The following TMEM74 variants were observed in gnomAD, a reference collection of about 807,000 sequenced individuals.
TMEM74 encodes the protein transmembrane protein 74.
In TMEM74, 13 loss-of-function variants were observed where a neutral mutation model predicts 18.1. The ratio of observed to expected loss-of-function variants is 0.72; its 90% CI spans 0.47 to 1.14. TMEM74 has a LOEUF of 1.14. Ranked by LOEUF, TMEM74 falls within the 50% of genes most tolerant of loss-of-function variation. TMEM74 has a pLI of 0.00. For missense variants in TMEM74, 372 were observed against 375.9 expected (o/e 0.99, Z 0.09); for synonymous variants, 159 against 146.6 (o/e 1.08, Z -0.61).
downstream of TMEM74, among the ~76,000 whole-genome samples, chr8:108,775,726 C>T (rs1814226280): frequency 6.6e-6 from 1 of 152,196 alleles, no homozygotes; most frequent in Non-Finnish European, 1.5e-5. Context: ...TGTTTAGGGT[C>T]AGCCTCTGTC....
At chr8:108,771,866 A>G (rs987263347) in intron 1 of TMEM74, among the ~76,000 whole-genome samples, 1 of 152,174 alleles carries the variant, frequency 6.6e-6, no homozygotes, top group Non-Finnish European at 1.5e-5. Context: ...AAGACTCCAG[A>G]TACATACTGT....
At chr8:108,770,736 T>C (rs1007511018) in intron 1 of TMEM74, among the ~76,000 whole-genome samples, 1 of 152,186 alleles carries the variant, frequency 6.6e-6, no homozygotes, top group Admixed American at 6.6e-5. Flanking sequence ...ATTAACATAT[T>C]ATATTTACAG....
At chr8:108,706,805 G>GTGTGTGTGTGTGTGTA (rs1563531253) in intron 1 of TMEM74, among the ~76,000 whole-genome samples, 1 of 151,704 alleles carries the variant, frequency 6.6e-6, no homozygotes, top group Non-Finnish European at 1.5e-5. Context: ...GTGTGTGTGT[G>GTGTGTGTGTGTGTGTA]TGTGTATGCA....
intron 1 of TMEM74, among the ~76,000 whole-genome samples, chr8:108,751,543 C>T (rs1054937665): frequency 6.6e-6 from 1 of 152,012 alleles, no homozygotes; most frequent in Non-Finnish European, 1.5e-5. Flanking sequence ...ACATTGGTTA[C>T]AAATTTATAT....
At chr8:108,711,534 T>C (rs1813475570) in intron 1 of TMEM74, among the ~76,000 whole-genome samples, 1 of 152,188 alleles carries the variant, frequency 6.6e-6, no homozygotes, top group African/African-American at 2.4e-5. Context: ...AAAGGAGATA[T>C]GAGAAGGCAG....
intron 1 of TMEM74, among the ~76,000 whole-genome samples, chr8:108,758,078 A>G (rs1813998988): frequency 6.6e-6 from 1 of 152,100 alleles, no homozygotes. Flanking sequence ...TCGTTTAATG[A>G]ATTCTATAAG....
At chr8:108,765,351 G>A (rs1814092853) in intron 1 of TMEM74, among the ~76,000 whole-genome samples, 2 of 150,298 alleles carry the variant, frequency 1.3e-5, no homozygotes, top group Admixed American at 1.3e-4. Context: ...ATGGTGATGA[G>A]CTTGGGGACC....
At chr8:108,738,863 A>G (rs961297573) in intron 1 of TMEM74, among the ~76,000 whole-genome samples, 21 of 152,220 alleles carry the variant, frequency 1.4e-4, no homozygotes, top group African/African-American at 3.9e-4. Flanking sequence ...TTTGTTGTAT[A>G]GTCACATAAT....
At chr8:108,739,421 G>A (rs937587639) in intron 1 of TMEM74, among the ~76,000 whole-genome samples, 22 of 152,192 alleles carry the variant, frequency 1.4e-4, no homozygotes, top group Admixed American at 1.4e-3. Flanking sequence ...GTCTCCCTTG[G>A]CTTTACTGTT....
intron 1 of TMEM74, among the ~76,000 whole-genome samples, chr8:108,671,453 A>G (rs914551104): frequency 3.9e-5 from 6 of 152,138 alleles, no homozygotes; most frequent in Admixed American, 3.9e-4. Context: ...ATGGCTAATG[A>G]CCCCTGTGCC....
At chr8:108,659,658 T>C (rs539799295) in intron 1 of TMEM74, among the ~76,000 whole-genome samples, 1 of 152,312 alleles carries the variant, frequency 6.6e-6, no homozygotes, top group Non-Finnish European at 1.5e-5. Context: ...TCTGGCTAAA[T>C]GTCTTTCAGT....
rs117698743 is a variant in TMEM74, at chr8:108,689,313, C to T, written n.120-33876G>A. On this transcript the variant is annotated intron_variant and non_coding_transcript_variant, in intron 1 of 3. Transcript: ENST00000518838. The stretch of plus-strand genomic sequence containing the variant: ...ACAGAGAAAGGGTTAAGGAACCACA[C>T]CTCCAACTTAGAGGCCAAGGTTACT... 9.8e-3 allele frequency among the ~76,000 whole-genome samples: 1,499 copies of T among 152,286 alleles called. 11 individuals are homozygous for T. The highest frequency in any genetic ancestry group is 0.017 in the Non-Finnish European group (1,162 of 68,032).
chr8:108,692,518 A>G (rs1156277867), intron 1 of TMEM74, among the ~76,000 whole-genome samples: 2 of 152,104 alleles, frequency 1.3e-5, no homozygotes, highest in African/African-American at 2.4e-5. Flanking sequence ...ACAGGCCCAC[A>G]TTTAATAACC....
At chr8:108,657,211 A>T (rs889762178) in intron 1 of TMEM74, among the ~76,000 whole-genome samples, 1 of 152,098 alleles carries the variant, frequency 6.6e-6, no homozygotes, top group Non-Finnish European at 1.5e-5. Context: ...ATCCTAAGCC[A>T]TATGGGGTCC....
chr8:108,619,263 C>T (rs1812414886), intron 2 of TMEM74, among the ~76,000 whole-genome samples: 1 of 152,124 alleles, frequency 6.6e-6, no homozygotes, highest in African/African-American at 2.4e-5. Context: ...GAAACAGCAA[C>T]TAGGAGTTTT....
intron 1 of TMEM74, among the ~76,000 whole-genome samples, chr8:108,686,588 T>A (rs533938923): frequency 6.6e-6 from 1 of 152,212 alleles, no homozygotes; most frequent in South Asian, 2.1e-4. Context: ...AAACTAGGTT[T>A]AGTTTTGGAA....
chr8:108,761,555 C>T (rs996920645), intron 1 of TMEM74, among the ~76,000 whole-genome samples: 2 of 152,112 alleles, frequency 1.3e-5, no homozygotes, highest in African/African-American at 4.8e-5. Flanking sequence ...AACTGAGCCT[C>T]TTATTCGTGT....
chr8:108,687,892 G>A (rs532956828), intron 1 of TMEM74, among the ~76,000 whole-genome samples: 3 of 48,070 alleles, frequency 6.2e-5, no homozygotes, highest in East Asian at 2.0e-3. Flanking sequence ...AACAGGCCAC[G>A]TACAGGTACC....
chr8:108,735,317 A>C (rs1021101358), intron 1 of TMEM74, among the ~76,000 whole-genome samples: 3 of 152,200 alleles, frequency 2.0e-5, no homozygotes, highest in Non-Finnish European at 4.4e-5. Flanking sequence ...AATTTTCATC[A>C]CTTTAAGAAG....
Sources: allele counts gnomAD v4.1 joint callset (sites outside exome capture counted in the v4.1 genomes callset), GRCh38; gene constraint gnomAD v4.1.1; transcripts MANE v1.5; gene names NCBI Gene and HGNC (gene_info 2026-07-23, HGNC 2026-07-21).